The following RIMS1 variants were observed in gnomAD, a reference collection of about 807,000 sequenced individuals.
The protein encoded by RIMS1 is regulating synaptic membrane exocytosis 1, also known as regulating synaptic membrane exocytosis protein 1.
Under a neutral mutation model 214.1 loss-of-function variants are expected in RIMS1, and 83 were observed. The observed-to-expected ratio is 0.39, with a 90% CI of 0.32 to 0.47. The LOEUF (loss-of-function observed/expected upper bound fraction) is 0.47, where lower values mean the gene tolerates loss of function less well. RIMS1 is among the 20% of genes least tolerant of loss of function. The pLI is 0.99. For missense variants in RIMS1, 2,050 were observed against 2,161.8 expected (o/e 0.95, Z 1.03); for synonymous variants, 793 against 786.8 (o/e 1.01, Z -0.13).
chr6:72,388,162 A>G (rs2098644334), intron 29 of RIMS1, among the ~76,000 whole-genome samples: 1 of 152,248 alleles, frequency 6.6e-6, no homozygotes, highest in Non-Finnish European at 1.5e-5. Flanking sequence ...CAGATGAAGC[A>G]GTGCTGTGAA....
intron 3 of RIMS1, among the ~76,000 whole-genome samples, chr6:72,098,714 G>T (rs2032680155): frequency 6.6e-6 from 1 of 151,976 alleles, no homozygotes; most frequent in South Asian, 2.1e-4. Flanking sequence ...ACCTTGTATG[G>T]GTGTTATGAA....
intron 1 of RIMS1, 141 bp downstream of exon 1, chr6:71,887,328 C>T (rs1010841998): frequency 9.2e-7 from 1 of 1,090,646 alleles, no homozygotes; most frequent in African/African-American, 1.6e-5. Flanking sequence ...CGCCTTGGGC[C>T]AGGGGCGCGG....
intron 29 of RIMS1, among the ~76,000 whole-genome samples, chr6:72,348,573 T>G (rs1420455251): frequency 6.6e-6 from 1 of 151,952 alleles, no homozygotes; most frequent in Non-Finnish European, 1.5e-5. Flanking sequence ...AATTATCATT[T>G]TAAGATTTTG....
intron 2 of RIMS1, among the ~76,000 whole-genome samples, chr6:71,995,723 A>G (rs1438532222): frequency 6.6e-6 from 1 of 152,068 alleles, no homozygotes; most frequent in East Asian, 1.9e-4. Flanking sequence ...ATGTCCTCAC[A>G]TGGCCTTCCC....
At chr6:72,135,301 C>T (rs1162205433) in intron 4 of RIMS1, among the ~76,000 whole-genome samples, 1 of 152,050 alleles carries the variant, frequency 6.6e-6, no homozygotes, top group Admixed American at 6.6e-5. Context: ...TTTAATGATA[C>T]TCAATATAAA....
At chr6:72,263,418 GA>G in intron 19 of RIMS1, 2 of 978,208 alleles carry the variant, frequency 2.0e-6, no homozygotes, top group African/African-American at 3.5e-5. Context: ...TGTGGATGTA[GA>G]AACAGGCTTG....
chr6:72,082,469 A>C (rs1201933642), intron 2 of RIMS1, among the ~76,000 whole-genome samples: 4 of 152,196 alleles, frequency 2.6e-5, no homozygotes, highest in African/African-American at 7.2e-5. Flanking sequence ...GAGTCTTTGC[A>C]TGTTAAATAA....
chr6:72,161,404 C>T (rs1341311979), intron 4 of RIMS1, among the ~76,000 whole-genome samples: 2 of 140,020 alleles, frequency 1.4e-5, no homozygotes, highest in Middle Eastern at 3.5e-3. Context: ...CTGCTCTGAT[C>T]TTAGTTATTT....
chr6:71,914,315 C>A (rs750098392), intron 1 of RIMS1, among the ~76,000 whole-genome samples: 12 of 152,036 alleles, frequency 7.9e-5, no homozygotes, highest in South Asian at 2.1e-4. Context: ...TTCCTTCTGA[C>A]AAACAGGAAG....
intron 29 of RIMS1, among the ~76,000 whole-genome samples, chr6:72,377,857 TTG>T (rs2098418147): frequency 6.6e-6 from 1 of 152,230 alleles, no homozygotes; most frequent in South Asian, 2.1e-4. Flanking sequence ...TATTCTTTCC[TTG>T]TAACATTTAA....
chr6:72,296,143 AAAG>A (rs2094058671), intron 26 of RIMS1, among the ~76,000 whole-genome samples: 2 of 151,822 alleles, frequency 1.3e-5, no homozygotes, highest in South Asian at 2.1e-4. Context: ...TGTTCACATC[AAAG>A]AAGAGAAGAT....
At chr6:71,911,932 C>G (rs940707064) in intron 1 of RIMS1, among the ~76,000 whole-genome samples, 18 of 152,244 alleles carry the variant, frequency 1.2e-4, no homozygotes, top group African/African-American at 3.9e-4. Context: ...GGAGTGAACT[C>G]CTATCAATGG....
intron 19 of RIMS1, among the ~76,000 whole-genome samples, chr6:72,264,709 AT>A (rs2079610367): frequency 1.3e-5 from 2 of 152,164 alleles, no homozygotes; most frequent in Non-Finnish European, 2.9e-5. Flanking sequence ...ATCAATGATA[AT>A]TCATAGAGTT....
At chr6:72,072,627 C>A (rs1297401690) in intron 2 of RIMS1, among the ~76,000 whole-genome samples, 2 of 152,140 alleles carry the variant, frequency 1.3e-5, no homozygotes, top group East Asian at 1.9e-4. Flanking sequence ...ACTTAAGGAG[C>A]ACCTTGGGAA....
intron 6 of RIMS1, among the ~76,000 whole-genome samples, chr6:72,210,753 G>T (rs1021604600): frequency 1.3e-5 from 2 of 152,138 alleles, no homozygotes; most frequent in Admixed American, 1.3e-4. Flanking sequence ...TCATACCTAA[G>T]CCTCGGTTTC....
chr6:71,950,294 C>A (rs962745694), intron 1 of RIMS1, among the ~76,000 whole-genome samples: 45 of 151,920 alleles, frequency 3.0e-4, no homozygotes, highest in African/African-American at 1.1e-3. Flanking sequence ...GTGATGGCTA[C>A]AGGACTGTGT....
In RIMS1 at chr6:72,333,764, C is replaced by T. The variant is rs1243030421; in HGVS notation, c.4295C>T (p.Ser1432Phe). Reference sequence around the variant, plus strand: ...GGAGCAGGTGGAAAGAAACGGAGATCCAGCCTTAGTGCCAAAGTGGTTGCC... The same window carrying T: ...GGAGCAGGTGGAAAGAAACGGAGATTCAGCCTTAGTGCCAAAGTGGTTGCC... The part of the protein sequence containing the change: ...TVGAGGKKRR[S>F]SLSAKVVAIV... Residue 1432 changes from serine (S) to phenylalanine (F), a missense_variant, in exon 29 of 34, where the codon TCC becomes TTC. Around this residue, in one of 6 missense-constraint regions of RIMS1, gnomAD observed 889 missense variants for 885.5 expected, o/e 1.00. Coordinates refer to ENST00000521978, the MANE Select transcript of RIMS1 (RefSeq NM_014989.7). The T allele has an allele frequency of 6.3e-7, 1 of 1,599,214 alleles. No individual in the cohort carries two copies. The highest frequency in any genetic ancestry group is 8.5e-7 in the Non-Finnish European group (1 of 1,172,810).
At chr6:72,084,328 A>T (rs976030070) in intron 2 of RIMS1, among the ~76,000 whole-genome samples, 12 of 152,308 alleles carry the variant, frequency 7.9e-5, no homozygotes, top group African/African-American at 1.9e-4. Flanking sequence ...TAAAAATTAC[A>T]TTCCTAATTC....
At chr6:72,327,587 C>T (rs892897261) in intron 28 of RIMS1, among the ~76,000 whole-genome samples, 1 of 151,650 alleles carries the variant, frequency 6.6e-6, no homozygotes, top group African/African-American at 2.4e-5. Context: ...ATTTAAAGTG[C>T]CATCATATTT....
Sources: allele counts gnomAD v4.1 joint callset (sites outside exome capture counted in the v4.1 genomes callset), GRCh38; gene constraint gnomAD v4.1.1; regional missense constraint gnomAD v4.1.1; transcripts MANE v1.5; gene names NCBI Gene and HGNC (gene_info 2026-07-23, HGNC 2026-07-21).